HPSE2: variants seen among roughly 807,000 people sequenced by gnomAD.
The protein encoded by HPSE2 is inactive heparanase-2.
HPSE2 carries 38 observed loss-of-function variants against 60.5 expected under a neutral mutation model. That is an observed-to-expected ratio of 0.63 (90% confidence interval 0.48 to 0.82). HPSE2 has a LOEUF of 0.82. Among genes scored for constraint, HPSE2 ranks in the 40% least tolerant of loss-of-function variants. The pLI, the probability that HPSE2 is intolerant of heterozygous loss-of-function variation, is 0.00. For synonymous variants in HPSE2, 295 were observed against 293.2 expected, an observed-to-expected ratio of 1.01 and a Z score of -0.06; for missense variants, 713 against 740.4, an observed-to-expected ratio of 0.96 and a Z score of 0.43.
At chr10:99,214,158 C>G (rs1849042215) in intron 2 of HPSE2, among the ~76,000 whole-genome samples, 1 of 152,254 alleles carries the variant, frequency 6.6e-6, no homozygotes, top group Non-Finnish European at 1.5e-5. Flanking sequence ...TGATGAGATA[C>G]CATTTCACAC....
At chr10:99,273,672 T>C in the HPSE2 span, among the ~76,000 whole-genome samples, 1 of 152,188 alleles carries the variant, frequency 6.6e-6, no homozygotes, top group Non-Finnish European at 1.5e-5. Flanking sequence ...CTGGAATTGC[T>C]TGATGCATAT....
intron 3 of HPSE2, among the ~76,000 whole-genome samples, chr10:98,990,723 G>A (rs966416489): frequency 2.6e-5 from 4 of 152,126 alleles, no homozygotes; most frequent in African/African-American, 9.7e-5. Context: ...TTCCAAAATA[G>A]CCAAGCTTAG....
chr10:98,725,981 A>G (rs188956352), intron 4 of HPSE2, among the ~76,000 whole-genome samples: 1 of 152,272 alleles, frequency 6.6e-6, no homozygotes, highest in African/African-American at 2.4e-5. Context: ...AAAATCAGGA[A>G]ACAACAGGTG....
chr10:99,296,316 C>T, the HPSE2 span, among the ~76,000 whole-genome samples: 2 of 152,184 alleles, frequency 1.3e-5, no homozygotes, highest in Non-Finnish European at 2.9e-5. Context: ...TGAGGACTAA[C>T]TAAAACAGGG....
intron 4 of HPSE2, among the ~76,000 whole-genome samples, 183 bp downstream of exon 4, chr10:98,743,700 C>T (rs1949556928): frequency 6.6e-6 from 1 of 152,146 alleles, no homozygotes; most frequent in South Asian, 2.1e-4. Flanking sequence ...GGTGTGTATT[C>T]ACTAAATATA....
chr10:98,640,741 G>A (rs1355820597), intron 7 of HPSE2, among the ~76,000 whole-genome samples: 1 of 151,844 alleles, frequency 6.6e-6, no homozygotes, highest in Non-Finnish European at 1.5e-5. Context: ...ACCTTAACTG[G>A]GCAACAAAAG....
chr10:99,004,228 C>A (rs546647531), intron 3 of HPSE2, among the ~76,000 whole-genome samples: 1 of 152,064 alleles, frequency 6.6e-6, no homozygotes, highest in Admixed American at 6.5e-5. Flanking sequence ...TAGAAGAATT[C>A]AATCTACTTA....
chr10:98,661,028 G>C (rs1051612060), intron 6 of HPSE2, among the ~76,000 whole-genome samples: 1 of 152,198 alleles, frequency 6.6e-6, no homozygotes, highest in African/African-American at 2.4e-5. Context: ...TGGACTGCTA[G>C]CCATTCTTTA....
chr10:99,308,379 C>CAAAAAAGAAAAAAAAAAAAAAAAAAA, the HPSE2 span, among the ~76,000 whole-genome samples: 1 of 28,148 alleles, frequency 3.6e-5, no homozygotes, highest in Non-Finnish European at 6.9e-5. Flanking sequence ...GACTCTGTCT[C>CAAAAAAGAAAAAAAAAAAAAAAAAAA]AAAAAAAAAA....
At chr10:99,095,152 CT>C (rs1843676131) in intron 3 of HPSE2, among the ~76,000 whole-genome samples, 1 of 151,240 alleles carries the variant, frequency 6.6e-6, no homozygotes, top group Non-Finnish European at 1.5e-5. Context: ...CACCACTGCA[CT>C]TTAGGTGGAT....
intron 3 of HPSE2, among the ~76,000 whole-genome samples, chr10:98,865,079 A>T (rs910218155): frequency 5.9e-5 from 9 of 152,146 alleles, no homozygotes; most frequent in African/African-American, 1.4e-4. Context: ...GGCATTAAAA[A>T]GATTCTTAAG....
chr10:98,650,788 T>C (rs1347751122), intron 6 of HPSE2, among the ~76,000 whole-genome samples: 1 of 152,220 alleles, frequency 6.6e-6, no homozygotes, highest in African/African-American at 2.4e-5. Flanking sequence ...TTTGATGACA[T>C]AGAATATTCT....
intron 9 of HPSE2, among the ~76,000 whole-genome samples, chr10:98,548,565 G>A (rs1370802809): frequency 2.0e-5 from 3 of 151,776 alleles, no homozygotes; most frequent in Admixed American, 6.6e-5. Flanking sequence ...TGTAGTGAGT[G>A]GAAATAGTGC....
intron 9 of HPSE2, among the ~76,000 whole-genome samples, chr10:98,512,301 G>A (rs1240335190): frequency 6.6e-6 from 1 of 152,218 alleles, no homozygotes; most frequent in Non-Finnish European, 1.5e-5. Context: ...TCGAATGGTG[G>A]CCGGGTGCAG....
chr10:99,179,529 A>C (rs997706371), intron 2 of HPSE2, among the ~76,000 whole-genome samples: 1 of 152,206 alleles, frequency 6.6e-6, no homozygotes, highest in Admixed American at 6.5e-5. Flanking sequence ...TAAGAGAATA[A>C]AATACCTAGG....
chr10:99,306,083 G>A, the HPSE2 span, among the ~76,000 whole-genome samples: 1 of 151,500 alleles, frequency 6.6e-6, no homozygotes, highest in East Asian at 1.9e-4. Context: ...CACAGACAGA[G>A]AGGGAAAACA....
At chr10:98,790,804 A>G (rs1483095478) in intron 3 of HPSE2, among the ~76,000 whole-genome samples, 9 of 152,106 alleles carry the variant, frequency 5.9e-5, no homozygotes, top group Non-Finnish European at 1.5e-5. Flanking sequence ...AAATAAAAAG[A>G]AAAATAATGT....
chr10:99,036,454 T>C (rs1957612410), intron 3 of HPSE2, among the ~76,000 whole-genome samples: 1 of 152,134 alleles, frequency 6.6e-6, no homozygotes, highest in South Asian at 2.1e-4. Flanking sequence ...CTGGAACGAT[T>C]TGAGAAACAA....
intron 7 of HPSE2, among the ~76,000 whole-genome samples, chr10:98,637,515 G>A (rs1347521447): frequency 1.3e-5 from 2 of 152,186 alleles, no homozygotes; most frequent in Non-Finnish European, 2.9e-5. Flanking sequence ...ATCTACCTAA[G>A]AGGGAGGGAG....
Sources: allele counts gnomAD v4.1 joint callset (sites outside exome capture counted in the v4.1 genomes callset), GRCh38; gene constraint gnomAD v4.1.1; transcripts MANE v1.5; gene names NCBI Gene and HGNC (gene_info 2026-07-23, HGNC 2026-07-21).